The following PRIM2 variants were observed in gnomAD, a reference collection of about 807,000 sequenced individuals.
The protein encoded by PRIM2 is DNA primase subunit 2, also known as DNA primase large subunit.
A neutral mutation model predicts 67.3 loss-of-function variants in PRIM2; 39 were observed. That is an observed-to-expected ratio of 0.58 (90% CI 0.45 to 0.76). The LOEUF is 0.76. Ranked by LOEUF, PRIM2 falls within the 30% of genes least tolerant of loss-of-function variation. PRIM2 has a pLI of 0.00. For missense variants in PRIM2, 398 were observed against 598.7 expected, an observed-to-expected ratio of 0.66 and a Z score of 3.50; for synonymous variants, 143 against 198.7, an observed-to-expected ratio of 0.72 and a Z score of 2.36.
intron 7 of PRIM2, among the ~76,000 whole-genome samples, chr6:57,468,810 T>A (rs2127400808): frequency 6.6e-6 from 1 of 152,384 alleles, no homozygotes; most frequent in South Asian, 2.1e-4. Context: ...TATAGTATAA[T>A]CATGGGTTTC....
At chr6:57,570,583 A>C (rs1463478538) in intron 10 of PRIM2, among the ~76,000 whole-genome samples, 1 of 152,182 alleles carries the variant, frequency 6.6e-6, no homozygotes, top group Non-Finnish European at 1.5e-5. Flanking sequence ...GAAAGGATGG[A>C]TTCTTTTCTG....
At chr6:57,593,993 C>T (rs1409838112) in intron 10 of PRIM2, among the ~76,000 whole-genome samples, 11 of 152,112 alleles carry the variant, frequency 7.2e-5, no homozygotes, top group South Asian at 2.1e-4. Context: ...TTGTGATGAA[C>T]GTAACTGAAA....
At chr6:57,403,847 T>A (rs2127358050) in intron 7 of PRIM2, among the ~76,000 whole-genome samples, 1 of 151,974 alleles carries the variant, frequency 6.6e-6, no homozygotes, top group Admixed American at 6.5e-5. Flanking sequence ...AGATATTGTC[T>A]TAGTTTGGGC....
chr6:57,602,580 C>T (rs1458967659), intron 11 of PRIM2, among the ~76,000 whole-genome samples: 6 of 152,294 alleles, frequency 3.9e-5, no homozygotes, highest in African/African-American at 1.2e-4. Context: ...AGGCAGTCAA[C>T]TTATGATTAA....
At chr6:57,427,801 G>T (rs1338304646) in intron 7 of PRIM2, among the ~76,000 whole-genome samples, 1 of 152,114 alleles carries the variant, frequency 6.6e-6, no homozygotes, top group Non-Finnish European at 1.5e-5. Flanking sequence ...CAGAAAATTG[G>T]TGAGATCAGA....
the PRIM2 span, among the ~76,000 whole-genome samples, chr6:57,286,184 A>C: frequency 6.6e-6 from 1 of 152,232 alleles, no homozygotes; most frequent in Non-Finnish European, 1.5e-5. Context: ...CATACTTCCC[A>C]AAGTAATTTA....
intron 7 of PRIM2, among the ~76,000 whole-genome samples, chr6:57,397,581 A>C (rs1351687369): frequency 6.6e-6 from 1 of 151,324 alleles, no homozygotes; most frequent in Non-Finnish European, 1.5e-5. Context: ...TTCTTGTATC[A>C]TTTTTTGGAT....
At chr6:57,252,630 G>A in the PRIM2 span, among the ~76,000 whole-genome samples, 4 of 152,130 alleles carry the variant, frequency 2.6e-5, no homozygotes, top group African/African-American at 7.2e-5. Context: ...TAGTGGAGAC[G>A]GGGTTTTGCC....
chr6:57,300,021 C>A, the PRIM2 span, among the ~76,000 whole-genome samples: 2 of 152,148 alleles, frequency 1.3e-5, no homozygotes, highest in Non-Finnish European at 2.9e-5. Context: ...GAGCAGACAC[C>A]CTCCCATGGG....
At chr6:57,536,326 A>G (rs1775002454) in intron 9 of PRIM2, among the ~76,000 whole-genome samples, 1 of 152,230 alleles carries the variant, frequency 6.6e-6, no homozygotes. Context: ...AAAGTAGGCA[A>G]TGATATTTCA....
At chr6:57,639,155 AG>A (rs1777180472) in intron 13 of PRIM2, among the ~76,000 whole-genome samples, 1 of 152,132 alleles carries the variant, frequency 6.6e-6, no homozygotes, top group African/African-American at 2.4e-5. Flanking sequence ...GAATGACTAC[AG>A]GGTAAATAAT....
Position 57,479,819 on chromosome 6 carries a change from C to T in PRIM2, c.694-27568C>T, listed in dbSNP as rs1343342133. 2.0e-5 allele frequency among the ~76,000 whole-genome samples: 3 copies of T among 152,140 alleles called. 1 individual carries two copies. The East Asian group carries it at 5.8e-4, about 29-fold the overall frequency. On this transcript the variant is annotated intron_variant, in intron 7 of 13. Transcript: ENST00000615550. The stretch of plus-strand genomic sequence containing the variant: ...ACTACTTTGCCTTTTGTAAATCCAG[C>T]TAATATATATTGCAAGGTCACCAGC...
chr6:57,612,568 A>G (rs1400530671), intron 12 of PRIM2, among the ~76,000 whole-genome samples: 10 of 152,298 alleles, frequency 6.6e-5, no homozygotes, highest in Middle Eastern at 3.4e-3. Flanking sequence ...GAGAGGTGTT[A>G]TAAAGGACAA....
At chr6:57,399,595 A>G (rs1770638468) in intron 7 of PRIM2, among the ~76,000 whole-genome samples, 4 of 152,202 alleles carry the variant, frequency 2.6e-5, no homozygotes, top group Non-Finnish European at 5.9e-5. Context: ...TTCTAGTTCT[A>G]GATCCTTGAG....
the PRIM2 span, among the ~76,000 whole-genome samples, chr6:57,244,391 A>C: frequency 6.6e-6 from 1 of 152,204 alleles, no homozygotes; most frequent in Non-Finnish European, 1.5e-5. Flanking sequence ...GAAAAAATTA[A>C]TTTTAAAATT....
intron 5 of PRIM2, among the ~76,000 whole-genome samples, chr6:57,352,170 G>A (rs1581818964): frequency 6.6e-6 from 1 of 152,172 alleles, no homozygotes; most frequent in East Asian, 1.9e-4. Flanking sequence ...GTGGTTAGTT[G>A]TAATCTTGGA....
In PRIM2 at chr6:57,386,443, C is replaced by CGAAA. The variant is rs763586207; in HGVS notation, c.693+4292_693+4295dup. ...AAAAAAAAAAAAAAAAAAAAAAGAA[C>CGAAA]GAAAGAAAGAAAGAAAGAAAAGGAT... is the stretch of plus-strand genomic sequence containing the variant. On this transcript the variant is annotated intron_variant, in intron 7 of 13. Coordinates refer to ENST00000615550, the MANE Select transcript of PRIM2 (RefSeq NM_000947.5). 1.4e-3 allele frequency among the ~76,000 whole-genome samples: 191 copies of CGAAA among 134,036 alleles called. 3 individuals are homozygous for CGAAA. In the East Asian group the frequency reaches 0.014, roughly 10 times the overall value. The allele number at this position is 134,036 out of a possible 152,430, so 87.9% of individuals were successfully genotyped here.
At chr6:57,623,070 G>A (rs1448442929) in intron 12 of PRIM2, among the ~76,000 whole-genome samples, 1 of 152,156 alleles carries the variant, frequency 6.6e-6, no homozygotes, top group East Asian at 1.9e-4. Context: ...GGCAGCTTTT[G>A]TATCTATTTC....
intron 7 of PRIM2, among the ~76,000 whole-genome samples, chr6:57,398,674 T>C (rs11754476): frequency 6.6e-6 from 1 of 152,170 alleles, no homozygotes; most frequent in Non-Finnish European, 1.5e-5. Flanking sequence ...TTTGGTCCAG[T>C]GTTGAGTTCA....
Sources: gnomAD v4.1 joint callset for allele counts (sites outside exome capture counted in the v4.1 genomes callset) on GRCh38, gnomAD v4.1.1 for gene constraint, MANE v1.5 for transcripts, NCBI Gene and HGNC (gene_info 2026-07-23, HGNC 2026-07-21) for gene names.